The following CBFA2T2 variants were observed in gnomAD, a reference collection of about 807,000 sequenced individuals.
The protein encoded by CBFA2T2 is CBFA2/RUNX1 partner transcriptional co-repressor 2, also known as protein CBFA2T2.
Under a neutral mutation model 62.2 loss-of-function variants are expected in CBFA2T2, and 11 were observed. The ratio of observed to expected loss-of-function variants is 0.18; its 90% confidence interval spans 0.11 to 0.29. The LOEUF (loss-of-function observed/expected upper bound fraction) is 0.29. Among genes scored for constraint, CBFA2T2 ranks in the 10% least tolerant of loss-of-function variants. The pLI, the probability that CBFA2T2 is intolerant of heterozygous loss-of-function variation, is 1.00. For missense variants in CBFA2T2, 592 were observed against 774.1 expected (o/e 0.76, Z 2.79); for synonymous variants, 295 against 287.5 (o/e 1.03, Z -0.27).
At chr20:33,507,175 T>G (rs2146851777) in intron 1 of CBFA2T2, among the ~76,000 whole-genome samples, 1 of 152,306 alleles carries the variant, frequency 6.6e-6, no homozygotes, top group African/African-American at 2.4e-5. Flanking sequence ...GTTATTGATT[T>G]TCTAGGATAT....
intron 1 of CBFA2T2, among the ~76,000 whole-genome samples, chr20:33,571,147 A>C (rs1249322488): frequency 6.6e-6 from 1 of 152,242 alleles, no homozygotes; most frequent in African/African-American, 2.4e-5. Context: ...CATCTCTAAC[A>C]ACAAATCTTT....
At chr20:33,567,699 C>T (rs1216965862) in intron 1 of CBFA2T2, among the ~76,000 whole-genome samples, 1 of 152,010 alleles carries the variant, frequency 6.6e-6, no homozygotes, top group Non-Finnish European at 1.5e-5. Context: ...TCTCCTGTCT[C>T]AGCCTCCCAA....
At chr20:33,519,466 T>C (rs4477993) in intron 1 of CBFA2T2, among the ~76,000 whole-genome samples, 63,513 of 151,990 alleles carry the variant, frequency 0.42, 14,785 homozygotes, top group Non-Finnish European at 0.53. Context: ...CGAGACTCTG[T>C]CTCAGAAAAT....
intron 1 of CBFA2T2, among the ~76,000 whole-genome samples, chr20:33,576,269 T>G (rs980593722): frequency 6.6e-6 from 1 of 152,154 alleles, no homozygotes; most frequent in Non-Finnish European, 1.5e-5. Context: ...ATAGGCTTTC[T>G]GCCTCCTTAA....
At chr20:33,526,473 C>T (rs57956132) in intron 1 of CBFA2T2, among the ~76,000 whole-genome samples, 59 of 152,162 alleles carry the variant, frequency 3.9e-4, no homozygotes, top group African/African-American at 1.4e-3. Context: ...TTTGTTTATT[C>T]ATTCATCAGT....
intron 1 of CBFA2T2, among the ~76,000 whole-genome samples, chr20:33,545,155 A>G (rs990187816): frequency 6.6e-6 from 1 of 152,202 alleles, no homozygotes; most frequent in Non-Finnish European, 1.5e-5. Context: ...AATAATAAGC[A>G]TTTAAACTTT....
At chr20:33,535,906 C>G (rs569043598) in intron 1 of CBFA2T2, among the ~76,000 whole-genome samples, 66 of 152,234 alleles carry the variant, frequency 4.3e-4, no homozygotes, top group Middle Eastern at 3.4e-3. Context: ...ATCTGTTTAA[C>G]GAAGCACATC....
At chr20:33,491,448 A>G (rs149697145) in intron 1 of CBFA2T2, among the ~76,000 whole-genome samples, 31 of 152,248 alleles carry the variant, frequency 2.0e-4, no homozygotes, top group African/African-American at 6.0e-4. Flanking sequence ...TTTGCAGAGG[A>G]TGAAACTGAG....
intron 1 of CBFA2T2, among the ~76,000 whole-genome samples, chr20:33,536,230 A>G (rs377220424): frequency 2.1e-5 from 3 of 141,256 alleles, no homozygotes; most frequent in Non-Finnish European, 4.7e-5. Context: ...GGCTCCTCAC[A>G]TCCCAGTAGG....
intron 3 of CBFA2T2, among the ~76,000 whole-genome samples, chr20:33,618,275 A>G (rs192718134): frequency 1.3e-5 from 2 of 152,196 alleles, no homozygotes; most frequent in East Asian, 3.9e-4. Flanking sequence ...CTAAAAGTAA[A>G]TTCCTAGAAA....
chr20:33,605,686 C>T (rs978695611), intron 1 of CBFA2T2, among the ~76,000 whole-genome samples: 12 of 152,126 alleles, frequency 7.9e-5, no homozygotes, highest in African/African-American at 2.9e-4. Flanking sequence ...AGACTCAGCT[C>T]TACTTTTCAT....
intron 1 of CBFA2T2, among the ~76,000 whole-genome samples, chr20:33,494,269 ATATATTTT>A (rs1467582469): frequency 3.9e-4 from 12 of 30,742 alleles, no homozygotes; most frequent in African/African-American, 1.4e-3. Flanking sequence ...ATATATATAT[ATATATTTT>A]TTTTTTTTTT....
chr20:33,536,003 C>T (rs370725106), intron 1 of CBFA2T2, among the ~76,000 whole-genome samples: 80 of 152,350 alleles, frequency 5.3e-4, no homozygotes, highest in African/African-American at 1.4e-3. Flanking sequence ...CACCGATCAA[C>T]AGGATCCCAA....
intron 1 of CBFA2T2, among the ~76,000 whole-genome samples, chr20:33,588,280 AATG>A (rs2014465822): frequency 6.6e-6 from 1 of 151,942 alleles, no homozygotes; most frequent in South Asian, 2.1e-4. Context: ...TGTTAATTAA[AATG>A]ATGAACTTGC....
chr20:33,493,852 A>G (rs936110026), intron 1 of CBFA2T2, among the ~76,000 whole-genome samples: 1 of 152,060 alleles, frequency 6.6e-6, no homozygotes, highest in Non-Finnish European at 1.5e-5. Flanking sequence ...TTGAGTATGC[A>G]CACACATTCT....
intron 8 of CBFA2T2, among the ~76,000 whole-genome samples, chr20:33,632,831 G>A (rs191551394): frequency 6.6e-6 from 1 of 152,176 alleles, no homozygotes; most frequent in African/African-American, 2.4e-5. Flanking sequence ...GCAGTGGCAC[G>A]ATCTTGCCTC....
At position 33,629,866 on chromosome 20, in the gene CBFA2T2, T is replaced by C. The variant is rs758291615; in HGVS notation, c.1180T>C (p.Leu394=). The C allele has an allele frequency of 1.0e-4, 163 of 1,613,854 alleles. No homozygotes were observed. Among genetic ancestry groups the C allele is most frequent in the Non-Finnish European group, 1.4e-4 (160 of 1,179,994 alleles). The change falls in exon 8 of 11, where the codon TTG becomes CTG. Residue 394 remains leucine, a synonymous_variant. Transcript: ENST00000342704. ...AGAGCTGAGGAAAACGGGGACCGAGTTGGTCTCCAGGCAGCACAGCCCTGG... is the reference window on the plus strand; with the variant it reads ...AGAGCTGAGGAAAACGGGGACCGAGCTGGTCTCCAGGCAGCACAGCCCTGG... ...NTELRKTGTE[L]VSRQHSPGSA...
intron 3 of CBFA2T2, among the ~76,000 whole-genome samples, chr20:33,615,015 C>T (rs114991937): frequency 1.4e-3 from 212 of 152,292 alleles, no homozygotes; most frequent in African/African-American, 4.8e-3. Context: ...TTCTTTTACA[C>T]GTGTGGAAAC....
intron 1 of CBFA2T2, among the ~76,000 whole-genome samples, chr20:33,594,897 A>G (rs1257034462): frequency 6.6e-6 from 1 of 152,226 alleles, no homozygotes; most frequent in Non-Finnish European, 1.5e-5. Context: ...TTTTCTGTTC[A>G]TGTGAGAAAT....
Sources: allele counts gnomAD v4.1 joint callset (sites outside exome capture counted in the v4.1 genomes callset), GRCh38; gene constraint gnomAD v4.1.1; transcripts MANE v1.5; gene names NCBI Gene and HGNC (gene_info 2026-07-23, HGNC 2026-07-21).